QTRT1: variants seen among roughly 807,000 people sequenced by gnomAD.
QTRT1 encodes queuine tRNA-ribosyltransferase catalytic subunit 1.
A neutral mutation model predicts 44.0 loss-of-function variants in QTRT1; 41 were observed. The ratio of observed to expected loss-of-function variants is 0.93; its 90% CI spans 0.73 to 1.21. The LOEUF (loss-of-function observed/expected upper bound fraction) is 1.21, where lower values mean the gene tolerates loss of function less well. QTRT1 is among the 50% of genes most tolerant of loss of function. QTRT1 has a pLI of 0.00. For synonymous variants in QTRT1, 226 were observed against 237.1 expected (o/e 0.95, Z 0.43); for missense variants, 542 against 575.8 (o/e 0.94, Z 0.60).
chr19:10,709,398 A>G (rs1199918619), intron 5 of QTRT1: 1 of 152,224 alleles, frequency 6.6e-6, no homozygotes, highest in East Asian at 1.9e-4. Context: ...TCTGGGTGAC[A>G]TAGTGAGATC....
At chr19:10,707,717 T>G (rs937355519) in intron 5 of QTRT1, 102 bp downstream of exon 5, 20 of 793,004 alleles carry the variant, frequency 2.5e-5, no homozygotes, top group Non-Finnish European at 3.7e-5. Flanking sequence ...AGAAGGGCAC[T>G]GCGCTAGAAA....
Position 10,701,551 on chromosome 19 carries a change from G to A in QTRT1, c.91G>A (p.Gly31Ser). The change falls in exon 1 of 10, where the codon GGC (glycine) becomes AGC (serine). Residue 31 changes from glycine (G) to serine (S), a missense_variant. Coordinates refer to ENST00000250237, the MANE Select transcript of QTRT1 (RefSeq NM_031209.3). ...AECSRSRARA[G>S]ELWLPHGTVA... Reference sequence around the variant, plus strand: ...ATGCAGCCGCTCCAGGGCCCGGGCAGGCGAGCTGTGGCTGCCGCATGGGAC... The same window carrying A: ...ATGCAGCCGCTCCAGGGCCCGGGCAAGCGAGCTGTGGCTGCCGCATGGGAC... 6.2e-7 allele frequency: 1 copy of A among 1,605,112 alleles called. No homozygotes were observed. Among genetic ancestry groups the A allele is most frequent in the Non-Finnish European group, 8.5e-7 (1 of 1,175,884 alleles).
At position 10,712,953 on chromosome 19, in the gene QTRT1, G is replaced by T; in HGVS notation, c.972G>T (p.Lys324Asn). Reference sequence around the variant, plus strand: ...TGAGCTGTCCCCTGCCGCTCTACAGGCACAGCCGCGCCTTCCTGCACGCAC... The same window carrying T: ...TGAGCTGTCCCCTGCCGCTCTACAGTCACAGCCGCGCCTTCCTGCACGCAC... Reference protein sequence around the residue: ...DPECTCPTCQKHSRAFLHALL... With the variant: ...DPECTCPTCQNHSRAFLHALL... Residue 324 changes from lysine to asparagine, a missense_variant and splice_region_variant, in exon 9 of 10, where the codon AAG (lysine) becomes AAT (asparagine). Physicochemically the swap from Lys to Asn is moderately conservative, Grantham distance 94. Transcript: ENST00000250237. This position sits in a 1 kb window ranked among gnomAD's most constrained non-coding sequence, Gnocchi z 5.6. The T allele has an allele frequency of 6.2e-7, 1 of 1,612,970 alleles. No homozygotes were observed. The highest frequency in any genetic ancestry group is 8.5e-7 in the Non-Finnish European group (1 of 1,179,934).
chr19:10,706,395 C>T lies in QTRT1; in HGVS notation c.452-907C>T, dbSNP rs115311369. Among the ~76,000 whole-genome samples, 1,107 of 152,160 alleles carry T rather than the reference C, an allele frequency of 7.3e-3. 11 individuals are homozygous for T. Among genetic ancestry groups the T allele is most frequent in the African/African-American group, 0.025 (1,057 of 41,520 alleles). On this transcript the variant is annotated intron_variant, in intron 3 of 9. Transcript: ENST00000250237. ...TAGCACTTTTGTTTTGTTTTTGAGA[C>T]GGTGTCTCGCTCTGTCGCCTTGGCT...
At chr19:10,703,582 C>T (rs1014650343) in intron 3 of QTRT1, among the ~76,000 whole-genome samples, 5 of 152,094 alleles carry the variant, frequency 3.3e-5, no homozygotes, top group African/African-American at 1.2e-4. Context: ...GGCGGAGGCG[C>T]GATCATGACT....
chr19:10,701,663 G>T lies in QTRT1; in HGVS notation c.203G>T (p.Arg68Leu). The T allele has an allele frequency of 2.5e-6, 4 of 1,590,070 alleles. No homozygotes were observed. Among genetic ancestry groups the T allele is most frequent in the Non-Finnish European group, 3.4e-6 (4 of 1,169,442 alleles). ...GAACAGCTGGACGCTCTGGGTTGCCGCATCTGCCTGGGCAATACCTACCAT... is the reference window on the plus strand; with the variant it reads ...GAACAGCTGGACGCTCTGGGTTGCCTCATCTGCCTGGGCAATACCTACCAT... Reference protein sequence around the residue: ...TTEQLDALGCRICLGNTYHLG... With the variant: ...TTEQLDALGCLICLGNTYHLG... Residue 68 changes from arginine to leucine, a missense_variant, in exon 1 of 10, where the codon CGC becomes CTC. Physicochemically the swap from Arg to Leu is moderately radical, Grantham distance 102. Coordinates refer to ENST00000250237, the MANE Select transcript of QTRT1 (RefSeq NM_031209.3).
At position 10,701,697 on chromosome 19, in the gene QTRT1, A is replaced by G. The variant is rs1368877624; in HGVS notation, c.237A>G (p.Leu79=). 6.3e-7 allele frequency: 1 copy of G among 1,577,936 alleles called. No homozygotes were observed. Among genetic ancestry groups the G allele is most frequent in the Non-Finnish European group, 8.6e-7 (1 of 1,162,550 alleles). The change falls in exon 1 of 10, where the codon CTA becomes CTG. Residue 79 remains leucine (L), a synonymous_variant. Transcript: ENST00000250237. ...TGGGCAATACCTACCATCTGGGTCT[A>G]AGGCCGGTGGGTGGGCTCTGCCCGC... The part of the protein sequence containing the change: ...ICLGNTYHLG[L]RPGPELIQKA...
intron 3 of QTRT1, among the ~76,000 whole-genome samples, 177 bp downstream of exon 3, chr19:10,702,431 G>C (rs961611679): frequency 6.6e-6 from 1 of 152,164 alleles, no homozygotes; most frequent in African/African-American, 2.4e-5. Flanking sequence ...TTGTTGACAA[G>C]TACATATGAG....
intron 5 of QTRT1, among the ~76,000 whole-genome samples, chr19:10,707,874 C>G (rs376471591): frequency 6.6e-6 from 1 of 151,810 alleles, no homozygotes; most frequent in Non-Finnish European, 1.5e-5. Context: ...TGATCCACCC[C>G]CCTTGGCCTC....
chr19:10,707,726 A>T, intron 5 of QTRT1, 111 bp downstream of exon 5: 1 of 720,810 alleles, frequency 1.4e-6, no homozygotes, highest in Non-Finnish European at 2.2e-6. Context: ...CTGCGCTAGA[A>T]AAAATAGCCG....
At chr19:10,710,477 T>C (rs1012651316) in intron 5 of QTRT1, among the ~76,000 whole-genome samples, 1 of 151,856 alleles carries the variant, frequency 6.6e-6, no homozygotes, top group Non-Finnish European at 1.5e-5. Context: ...CCACCACGCC[T>C]GGCCAATTTT....
chr19:10,701,490 G>C lies in QTRT1; in HGVS notation c.30G>C (p.Leu10=). MAGAATQAS[L]ESAPRIMRLV... ...CGGGAGCAGCTACCCAGGCTTCCCT[G>C]GAGTCGGCCCCACGGATCATGCGGC... The change falls in exon 1 of 10, where the codon CTG becomes CTC. Residue 10 remains leucine (L), a synonymous_variant. Transcript: ENST00000250237. 6.3e-7 allele frequency: 1 copy of C among 1,575,978 alleles called. No homozygotes were observed.
At position 10,713,052 on chromosome 19, in the gene QTRT1, C is replaced by T. The variant is rs761809856; in HGVS notation, c.1059+12C>T. The T allele has an allele frequency of 6.2e-6, 10 of 1,610,178 alleles. No individual in the cohort carries two copies. Among genetic ancestry groups the T allele is most frequent in the South Asian group, 1.1e-5 (1 of 91,080 alleles). The stretch of plus-strand genomic sequence containing the variant: ...ACATCGCCTACCAGGTGAGCCAGTG[C>T]CCGGGGCAAGGTGGGCGGGGGTGTC... On this transcript the variant is annotated intron_variant, in intron 9 of 9. Transcript: ENST00000250237. The surrounding 1 kb of genome is among the most constrained non-coding windows in gnomAD (Gnocchi z 4.3).
chr19:10,705,696 G>A (rs1314459608), intron 3 of QTRT1, among the ~76,000 whole-genome samples: 5 of 149,890 alleles, frequency 3.3e-5, no homozygotes, highest in Admixed American at 6.7e-5. Context: ...CCACCATGCC[G>A]GGCTAATTTT....
chr19:10,701,778 C>A, intron 1 of QTRT1, 75 bp downstream of exon 1: 1 of 1,558,472 alleles, frequency 6.4e-7, no homozygotes, highest in East Asian at 2.3e-5. Flanking sequence ...CCTCCAGGCC[C>A]GGACACTCCT....
At chr19:10,701,740 C>A (rs1302582358) in intron 1 of QTRT1, 37 bp downstream of exon 1, 1 of 1,557,270 alleles carries the variant, frequency 6.4e-7, no homozygotes, top group Non-Finnish European at 8.7e-7. Context: ...GGCGGCGAGG[C>A]GGCGAGGCGT....
chr19:10,712,071 G>T lies in QTRT1; in HGVS notation c.647-90G>T. 2.6e-6 allele frequency: 4 copies of T among 1,530,920 alleles called. No homozygotes were observed. The highest frequency in any genetic ancestry group is 2.2e-5 in the East Asian group (1 of 44,538). 94.8% of individuals were successfully genotyped at this position (1,530,920 alleles called of 1,614,324 possible). A position where few individuals can be genotyped will look rare whatever the true frequency, so the allele number is the denominator to read the frequency against. On this transcript the variant is annotated intron_variant, in intron 5 of 9. Transcript: ENST00000250237. This position sits in a 1 kb window ranked among gnomAD's most constrained non-coding sequence, Gnocchi z 5.6. ...TGTTTCTCTGACTCTCTCCCTGAGC[G>T]ACTCTGGAAGTCTGGGCAGGGTGTG...
At chr19:10,702,301 G>C (rs758614975) in intron 3 of QTRT1, 47 bp downstream of exon 3, 1 of 1,592,602 alleles carries the variant, frequency 6.3e-7, no homozygotes, top group South Asian at 1.1e-5. Context: ...CTGTCAGGGG[G>C]TGAAGTTTAC....
intron 3 of QTRT1, among the ~76,000 whole-genome samples, chr19:10,705,008 C>T (rs1409243263): frequency 4.8e-5 from 7 of 145,434 alleles, no homozygotes; most frequent in African/African-American, 7.7e-5. Flanking sequence ...CTCTGCTGCC[C>T]GGGTTTAAGC....
Sources: gnomAD v4.1 joint callset for allele counts (sites outside exome capture counted in the v4.1 genomes callset) on GRCh38, gnomAD v4.1.1 for gene constraint, Gnocchi (gnomAD v3.1) non-coding constraint, MANE v1.5 for transcripts, NCBI Gene and HGNC (gene_info 2026-07-23, HGNC 2026-07-21) for gene names.